The following TXNL4A variants were observed in gnomAD, a reference collection of about 807,000 sequenced individuals.
TXNL4A encodes the protein thioredoxin like 4A, also known as thioredoxin-like protein 4A.
Under a neutral mutation model 14.6 loss-of-function variants are expected in TXNL4A, and 17 were observed. That is an observed-to-expected ratio of 1.16 (90% CI 0.80 to 1.74). The LOEUF (loss-of-function observed/expected upper bound fraction) is 1.74, where lower values mean the gene tolerates loss of function less well. TXNL4A is among the 40% of genes most tolerant of loss of function. TXNL4A has a pLI of 0.00. For missense variants in TXNL4A, 74 were observed against 195.2 expected, an observed-to-expected ratio of 0.38 and a Z score of 3.70; for synonymous variants, 83 against 70.6, an observed-to-expected ratio of 1.18 and a Z score of -0.88.
chr18:79,976,629 G>A, intron 2 of TXNL4A: 1 of 319,970 alleles, frequency 3.1e-6, no homozygotes, highest in African/African-American at 2.2e-5. Context: ...AGAAAAGCGG[G>A]GTGATTTAAG....
intron 1 of TXNL4A, chr18:79,986,487 G>T: frequency 1.2e-6 from 1 of 823,566 alleles, no homozygotes; most frequent in Non-Finnish European, 1.5e-6. Flanking sequence ...GTCCTTAAGT[G>T]TGTGTCCACT....
intron 1 of TXNL4A, chr18:80,033,768 C>T: frequency 6.5e-6 from 1 of 153,866 alleles, no homozygotes; most frequent in Non-Finnish European, 1.5e-5. Context: ...GCGGCCTCCC[C>T]ACGCCCAGCT....
At chr18:80,014,525 C>G (rs569879630) in intron 1 of TXNL4A, among the ~76,000 whole-genome samples, 14 of 152,350 alleles carry the variant, frequency 9.2e-5, no homozygotes, top group African/African-American at 3.1e-4. Flanking sequence ...CCAGGTCACA[C>G]TGATGCAAGA....
At chr18:80,009,502 G>A (rs1272250995) in intron 1 of TXNL4A, among the ~76,000 whole-genome samples, 2 of 152,194 alleles carry the variant, frequency 1.3e-5, no homozygotes, top group African/African-American at 4.8e-5. Flanking sequence ...GCTGTTACCA[G>A]TGGCAAGTTT....
intron 1 of TXNL4A, among the ~76,000 whole-genome samples, chr18:79,978,469 C>T (rs2145061188): frequency 6.6e-6 from 1 of 152,266 alleles, no homozygotes; most frequent in South Asian, 2.1e-4. Flanking sequence ...AAGATCACCT[C>T]CAATCCCAAC....
intron 1 of TXNL4A, among the ~76,000 whole-genome samples, chr18:80,021,801 C>T (rs571262270): frequency 3.8e-4 from 58 of 152,160 alleles, no homozygotes; most frequent in Admixed American, 9.8e-4. Flanking sequence ...TTGGCTTTAG[C>T]GGGTACTGCT....
Position 79,973,703 on chromosome 18 carries a change from G to A in TXNL4A, c.411C>T (p.Ser137=), listed in dbSNP as rs778369091. The A allele has an allele frequency of 5.0e-6, 8 of 1,613,716 alleles. No homozygotes were observed. The East Asian group carries it at 6.7e-5, about 13-fold the overall frequency. Residue 137 remains serine, a synonymous_variant, in exon 3 of 3, where the codon TCC becomes TCT. Transcript: ENST00000269601. ...RGLVVSPKDY[S]TKYRY ...GGGCGCCTCAGTAGCGGTACTTGGT[G>A]GAGTAGTCCTTGGGGGACACCACCA...
At chr18:79,978,626 C>T (rs1214107975) in intron 1 of TXNL4A, among the ~76,000 whole-genome samples, 5 of 150,816 alleles carry the variant, frequency 3.3e-5, no homozygotes, top group Non-Finnish European at 3.0e-5. Flanking sequence ...CCCAAGCAGC[C>T]GGGACTACAG....
At chr18:80,009,228 C>T (rs753826417) in intron 1 of TXNL4A, among the ~76,000 whole-genome samples, 5 of 152,124 alleles carry the variant, frequency 3.3e-5, no homozygotes, top group Non-Finnish European at 5.9e-5. Context: ...AAGAAAATGC[C>T]TTTCACTGTT....
intron 1 of TXNL4A, among the ~76,000 whole-genome samples, chr18:79,997,416 G>A (rs1229538378): frequency 1.4e-5 from 2 of 138,912 alleles, no homozygotes; most frequent in Non-Finnish European, 3.1e-5. Flanking sequence ...AAGCAGGAGG[G>A]GACGGAGATT....
chr18:79,978,990 T>A (rs1330752214), intron 1 of TXNL4A, among the ~76,000 whole-genome samples: 1 of 151,600 alleles, frequency 6.6e-6, no homozygotes, highest in African/African-American at 2.4e-5. Context: ...TGGTCTGGAG[T>A]GCAGTTGCAT....
At chr18:79,991,488 TAAAAC>T (rs1218713884), upstream of TXNL4A, among the ~76,000 whole-genome samples, 2 of 152,036 alleles carry the variant, frequency 1.3e-5, no homozygotes, top group Admixed American at 6.5e-5. Context: ...TTTCATTAAA[TAAAAC>T]AAAAAATTAG....
In TXNL4A at chr18:79,993,935, C is replaced by T. The variant is rs1306788338; in HGVS notation, c.-60-16234G>A. On this transcript the variant is annotated intron_variant, in intron 1 of 2. Coordinates refer to the TXNL4A transcript ENST00000585474. The surrounding 1 kb of genome is among the most constrained non-coding windows in gnomAD (Gnocchi z 4.4). ...CACTTTACCAGGTAGCCGCGACAAGCGTGGACTGAACTGGTTCAAGGAATA... is the reference window on the plus strand; with the variant it reads ...CACTTTACCAGGTAGCCGCGACAAGTGTGGACTGAACTGGTTCAAGGAATA... Among the ~76,000 whole-genome samples the T allele has an allele frequency of 1.3e-5, 2 of 152,142 alleles. No homozygotes were observed. Among genetic ancestry groups the T allele is most frequent in the Non-Finnish European group, 2.9e-5 (2 of 68,034 alleles).
intron 2 of TXNL4A, among the ~76,000 whole-genome samples, chr18:79,974,654 T>C (rs1401031820): frequency 6.6e-6 from 1 of 152,192 alleles, no homozygotes; most frequent in Non-Finnish European, 1.5e-5. Context: ...AAATTTCTAG[T>C]TTTTTGTAAA....
At chr18:80,021,524 C>T (rs1225145102) in intron 1 of TXNL4A, among the ~76,000 whole-genome samples, 3 of 152,194 alleles carry the variant, frequency 2.0e-5, no homozygotes, top group South Asian at 4.1e-4. Flanking sequence ...AGTTAGGGTG[C>T]AATGGTATGC....
At chr18:80,012,240 T>A (rs558607655) in intron 1 of TXNL4A, among the ~76,000 whole-genome samples, 1 of 152,284 alleles carries the variant, frequency 6.6e-6, no homozygotes, top group South Asian at 2.1e-4. Context: ...CTATTCCTGG[T>A]TTTTCTAATA....
chr18:79,986,847 G>A (rs146273663), intron 1 of TXNL4A: 4 of 879,072 alleles, frequency 4.6e-6, no homozygotes, highest in South Asian at 1.0e-4. Context: ...TCAATTCTTC[G>A]CTGGATTTCC....
chr18:79,981,203 G>A (rs887335679), intron 1 of TXNL4A, among the ~76,000 whole-genome samples: 4 of 152,118 alleles, frequency 2.6e-5, no homozygotes, highest in East Asian at 1.9e-4. Flanking sequence ...ATTAACTTAC[G>A]GAATCACCAT....
chr18:80,019,756 T>G (rs2051836055), intron 1 of TXNL4A, among the ~76,000 whole-genome samples: 2 of 152,188 alleles, frequency 1.3e-5, no homozygotes, highest in Non-Finnish European at 2.9e-5. Flanking sequence ...CCAAGTATGG[T>G]TCTTTTCCTC....
Sources: gnomAD v4.1 joint callset for allele counts (sites outside exome capture counted in the v4.1 genomes callset) on GRCh38, gnomAD v4.1.1 for gene constraint, Gnocchi (gnomAD v3.1) non-coding constraint, MANE v1.5 for transcripts, NCBI Gene and HGNC (gene_info 2026-07-23, HGNC 2026-07-21) for gene names.